HECW1: variants seen among roughly 807,000 people sequenced by gnomAD.
HECW1 encodes E3 ubiquitin-protein ligase HECW1.
Under a neutral mutation model 182.3 loss-of-function variants are expected in HECW1, and 61 were observed. The ratio of observed to expected loss-of-function variants is 0.33; its 90% CI spans 0.27 to 0.41. The LOEUF (loss-of-function observed/expected upper bound fraction) is 0.41, where lower values mean the gene tolerates loss of function less well. HECW1 is among the 10% of genes least tolerant of loss of function. The pLI is 1.00. For missense variants in HECW1, 1,739 were observed against 2,108.9 expected (o/e 0.82, Z 3.44); for synonymous variants, 859 against 832.6 (o/e 1.03, Z -0.55).
chr7:43,123,359 G>A (rs1027505429), intron 2 of HECW1, among the ~76,000 whole-genome samples: 2 of 152,138 alleles, frequency 1.3e-5, no homozygotes, highest in African/African-American at 4.8e-5. Flanking sequence ...CCAAAACTGA[G>A]TGTACCTGCC....
intron 3 of HECW1, among the ~76,000 whole-genome samples, chr7:43,308,211 ATAT>A (rs1217711990): frequency 1.1e-5 from 1 of 94,338 alleles, no homozygotes; most frequent in Non-Finnish European, 1.9e-5. Context: ...ATATTTTTAT[ATAT>A]TATGATATAT....
intron 3 of HECW1, among the ~76,000 whole-genome samples, chr7:43,281,124 C>T (rs1392303135): frequency 1.3e-5 from 2 of 152,092 alleles, no homozygotes; most frequent in Non-Finnish European, 2.9e-5. Flanking sequence ...AGTTCTGCAC[C>T]CCTCACCTCC....
chr7:43,434,613 C>A (rs1478381272), intron 8 of HECW1, among the ~76,000 whole-genome samples: 1 of 152,168 alleles, frequency 6.6e-6, no homozygotes, highest in East Asian at 1.9e-4. Context: ...ATTTTCAGGA[C>A]TACTCACTAG....
intron 2 of HECW1, among the ~76,000 whole-genome samples, chr7:43,217,603 G>A (rs144619282): frequency 3.3e-4 from 51 of 152,292 alleles, no homozygotes; most frequent in Middle Eastern, 3.4e-3. Flanking sequence ...TCAAATGACC[G>A]TAAAAGGGGG....
Position 43,564,529 on chromosome 7 carries a change from A to G in HECW1, c.*2603A>G, listed in dbSNP as rs1480172149. On this transcript the variant is annotated 3_prime_UTR_variant, in exon 30 of 30. Transcript: ENST00000395891. ...CCAGTACTACTGATGTCACAGCTAT[A>G]GATCTATCCCACAAAGCATAACAGG... 1 of 189,410 alleles carries G rather than the reference A, an allele frequency of 5.3e-6. No individual in the cohort carries two copies. The highest frequency in any genetic ancestry group is 1.1e-5 in the Non-Finnish European group (1 of 89,980). The allele number at this position is 189,410 out of a possible 1,614,324, so 11.7% of individuals were successfully genotyped here.
intron 2 of HECW1, among the ~76,000 whole-genome samples, chr7:43,130,451 A>G (rs763186873): frequency 6.6e-6 from 1 of 152,204 alleles, no homozygotes; most frequent in Non-Finnish European, 1.5e-5. Flanking sequence ...GGGTGTCACT[A>G]TCTCAGGCAC....
At chr7:43,538,691 T>C (rs73100758) in intron 24 of HECW1, among the ~76,000 whole-genome samples, 24,288 of 152,242 alleles carry the variant, frequency 0.16, 2,544 homozygotes, top group Non-Finnish European at 0.24. Context: ...TTTCTTAATC[T>C]GCAAAATGGA....
In HECW1 at chr7:43,562,089, G is replaced by C. The variant is rs547536393; in HGVS notation, c.*163G>C. On this transcript the variant is annotated 3_prime_UTR_variant, in exon 30 of 30. Coordinates refer to ENST00000395891, the MANE Select transcript of HECW1 (RefSeq NM_015052.5). ...TGACAAAAGCTGTGCATGAAGAACTGCCTTCTTCTAAGATCTAACCTTCAG... is the reference window on the plus strand; with the variant it reads ...TGACAAAAGCTGTGCATGAAGAACTCCCTTCTTCTAAGATCTAACCTTCAG... The C allele has an allele frequency of 1.7e-6, 1 of 589,466 alleles. No individual in the cohort carries two copies. Among genetic ancestry groups the C allele is most frequent in the African/African-American group, 1.9e-5 (1 of 53,148 alleles). 36.5% of individuals were successfully genotyped at this position (589,466 alleles called of 1,614,324 possible). A position where few individuals can be genotyped will look rare whatever the true frequency, so the allele number is the denominator to read the frequency against.
chr7:43,536,879 T>A (rs1307731260), intron 24 of HECW1, among the ~76,000 whole-genome samples: 2 of 152,098 alleles, frequency 1.3e-5, no homozygotes, highest in East Asian at 1.9e-4. Flanking sequence ...AGCCACTCCC[T>A]CCTGGCAAAG....
rs116698600 is a variant in HECW1, at chr7:43,265,763, C to T, written c.27+21831C>T. On this transcript the variant is annotated intron_variant, in intron 3 of 29. Transcript: ENST00000395891. ...GGCTGCTCCCACTTCAGGCATCAGC[C>T]GAAAACAGGGTTCCCAGGATTCCCA... is the stretch of plus-strand genomic sequence containing the variant. Among the ~76,000 whole-genome samples the T allele has an allele frequency of 8.3e-3, 1,266 of 152,202 alleles. 17 individuals are homozygous for T. Among genetic ancestry groups the T allele is most frequent in the African/African-American group, 0.029 (1,216 of 41,542 alleles).
chr7:43,278,297 G>A (rs1308051946), intron 3 of HECW1, among the ~76,000 whole-genome samples: 1 of 152,026 alleles, frequency 6.6e-6, no homozygotes, highest in Non-Finnish European at 1.5e-5. Flanking sequence ...AAAACCTGTG[G>A]TGTCATCCTT....
intron 16 of HECW1, among the ~76,000 whole-genome samples, chr7:43,470,741 T>TCA (rs11472107): frequency 0.27 from 41,493 of 151,750 alleles, 6,225 homozygotes; most frequent in African/African-American, 0.41. Flanking sequence ...ACACACATGC[T>TCA]CACACACACA....
At position 43,507,297 on chromosome 7, in the gene HECW1, A is replaced by AT. The variant is rs528585318; in HGVS notation, c.3752+45dup. On this transcript the variant is annotated intron_variant, in intron 22 of 29. Coordinates refer to ENST00000395891, the MANE Select transcript of HECW1 (RefSeq NM_015052.5). ...GCTTGGCACTGAATTCAGACAGTAGATTTTTCAATCCCTTTCTCCCCTACA... is the reference window on the plus strand; with the variant it reads ...GCTTGGCACTGAATTCAGACAGTAGATTTTTTCAATCCCTTTCTCCCCTACA... 162 of 1,599,708 alleles carry AT rather than the reference A, an allele frequency of 1.0e-4. No individual in the cohort carries two copies. The South Asian group carries it at 1.7e-3, about 17-fold the overall frequency.
intron 2 of HECW1, among the ~76,000 whole-genome samples, chr7:43,169,335 G>A (rs533661289): frequency 1.3e-5 from 2 of 152,176 alleles, no homozygotes; most frequent in Admixed American, 1.3e-4. Context: ...GCTGACCTGC[G>A]CATGGCAGGG....
intron 16 of HECW1, 68 bp downstream of exon 16, chr7:43,469,173 C>T: frequency 2.7e-6 from 4 of 1,498,758 alleles, no homozygotes; most frequent in Non-Finnish European, 1.8e-6. Flanking sequence ...CTAGCAAGGG[C>T]GTGAGGAGGA....
intron 6 of HECW1, chr7:43,377,887 C>G (rs1030205229): frequency 5.2e-6 from 1 of 192,734 alleles, no homozygotes; most frequent in East Asian, 8.1e-5. Context: ...CTGCAACTCT[C>G]TTTTATGAGA....
intron 8 of HECW1, among the ~76,000 whole-genome samples, chr7:43,427,002 G>T (rs10275087): frequency 0.35 from 52,928 of 151,682 alleles, 9,488 homozygotes; most frequent in Middle Eastern, 0.47. Context: ...ATGCCTTGAT[G>T]TATTATTATA....
intron 2 of HECW1, among the ~76,000 whole-genome samples, chr7:43,173,295 GT>G (rs1791872684): frequency 6.6e-6 from 1 of 152,142 alleles, no homozygotes; most frequent in Admixed American, 6.5e-5. Context: ...TTGCTATCTG[GT>G]TTCTGGAAAG....
intron 3 of HECW1, chr7:43,249,031 A>AG (rs1237464360): frequency 1.3e-5 from 2 of 152,284 alleles, no homozygotes; most frequent in Admixed American, 1.3e-4. Flanking sequence ...TGCCCTTGGC[A>AG]GGGTCGAGGA....
Sources: gnomAD v4.1 joint callset for allele counts (sites outside exome capture counted in the v4.1 genomes callset) on GRCh38, gnomAD v4.1.1 for gene constraint, MANE v1.5 for transcripts, NCBI Gene and HGNC (gene_info 2026-07-23, HGNC 2026-07-21) for gene names.